Variants in ASH1L observed in about 807,000 individuals in gnomAD.
ASH1L encodes histone-lysine N-methyltransferase ASH1L.
A neutral mutation model predicts 269.0 loss-of-function variants in ASH1L; 23 were observed. That is an observed-to-expected ratio of 0.09 (90% CI 0.06 to 0.12). ASH1L has a LOEUF of 0.12. Ranked by LOEUF, ASH1L falls within the 10% of genes least tolerant of loss-of-function variation. The pLI, the probability that ASH1L is intolerant of heterozygous loss-of-function variation, is 1.00. For synonymous variants in ASH1L, 1,187 were observed against 1,253.5 expected (o/e 0.95, Z 1.12); for missense variants, 2,912 against 3,567.8 (o/e 0.82, Z 4.68).
intron 4 of ASH1L, among the ~76,000 whole-genome samples, chr1:155,459,283 C>T (rs1228203821): frequency 6.6e-6 from 1 of 152,066 alleles, no homozygotes; most frequent in Non-Finnish European, 1.5e-5. Flanking sequence ...GCAACCTCCG[C>T]CTCCCAGGTT....
At chr1:155,529,382 C>A (rs1195322844) in intron 1 of ASH1L, among the ~76,000 whole-genome samples, 2 of 149,526 alleles carry the variant, frequency 1.3e-5, no homozygotes, top group Non-Finnish European at 3.0e-5. Flanking sequence ...TTTTTAATAG[C>A]CATTCTGAAT....
At chr1:155,420,641 A>C (rs898731029) in intron 5 of ASH1L, among the ~76,000 whole-genome samples, 1 of 151,526 alleles carries the variant, frequency 6.6e-6, no homozygotes, top group Non-Finnish European at 1.5e-5. Flanking sequence ...ACTTGAGGTC[A>C]GGAGTTTGAG....
intron 5 of ASH1L, among the ~76,000 whole-genome samples, chr1:155,426,438 T>C (rs1047194256): frequency 2.6e-5 from 4 of 151,990 alleles, no homozygotes; most frequent in Non-Finnish European, 5.9e-5. Flanking sequence ...CCTGACCTCG[T>C]GATCCGACCG....
chr1:155,446,626 C>CTT (rs34042736), intron 4 of ASH1L, among the ~76,000 whole-genome samples: 7 of 116,834 alleles, frequency 6.0e-5, no homozygotes, highest in Non-Finnish European at 9.0e-5. Flanking sequence ...TTTTTTTTTT[C>CTT]TTTTTTTTTT....
At position 155,370,572 on chromosome 1, in the gene ASH1L, A is replaced by G. The variant is rs1273084100; in HGVS notation, c.6618T>C (p.Ser2206=). ...ATCGGGCCTCATTTCCCATGCGGTA[A>G]CTGTCAATCACCATCCCACTATCCA... ...LNLDSGMVID[S]YRMGNEARFI... Residue 2206 remains serine (S), a synonymous_variant, in exon 12 of 28, where the codon AGT becomes AGC. Transcript: ENST00000392403. 6.2e-7 allele frequency: 1 copy of G among 1,614,180 alleles called. No individual in the cohort carries two copies. The highest frequency in any genetic ancestry group is 2.2e-5 in the East Asian group (1 of 44,888).
chr1:155,404,883 C>T (rs1659138550), intron 6 of ASH1L, among the ~76,000 whole-genome samples: 1 of 151,264 alleles, frequency 6.6e-6, no homozygotes, highest in African/African-American at 2.4e-5. Flanking sequence ...CAAAAATCAG[C>T]TGAGTGTGGT....
intron 1 of ASH1L, among the ~76,000 whole-genome samples, chr1:155,524,967 C>T (rs914016865): frequency 1.3e-5 from 2 of 151,942 alleles, no homozygotes; most frequent in African/African-American, 4.8e-5. Flanking sequence ...TCAAATCCTG[C>T]CTGGGCACGG....
Position 155,478,943 on chromosome 1 carries a change from A to G in ASH1L, c.3927T>C (p.His1309=). Residue 1309 remains histidine (H), a synonymous_variant, in exon 3 of 28, where the codon CAT becomes CAC. Coordinates refer to ENST00000392403, the MANE Select transcript of ASH1L (RefSeq NM_018489.3). The surrounding 1 kb of genome is among the most constrained non-coding windows in gnomAD (Gnocchi z 4.6). ...SEIRITHRSH[H]FIPRDLLPTI... ...TTGGCAGAAGATCTCGGGGGATAAA[A>G]TGATGACTTCGATGAGTGATCCGAA... 1 of 1,613,920 alleles carries G rather than the reference A, an allele frequency of 6.2e-7. No individual in the cohort carries two copies. The highest frequency in any genetic ancestry group is 8.5e-7 in the Non-Finnish European group (1 of 1,180,006).
intron 1 of ASH1L, among the ~76,000 whole-genome samples, chr1:155,534,556 T>C (rs1027224664): frequency 4.0e-5 from 6 of 151,800 alleles, no homozygotes; most frequent in African/African-American, 9.7e-5. Context: ...TAGTACAAAA[T>C]ATAGACAAAA....
intron 1 of ASH1L, among the ~76,000 whole-genome samples, chr1:155,546,830 C>T (rs2148900977): frequency 6.6e-6 from 1 of 151,630 alleles, no homozygotes; most frequent in Admixed American, 6.6e-5. Context: ...AATTAAGACA[C>T]TTATATAACA....
chr1:155,348,628 T>A (rs1248650080), intron 19 of ASH1L, among the ~76,000 whole-genome samples: 1 of 152,024 alleles, frequency 6.6e-6, no homozygotes, highest in African/African-American at 2.4e-5. Context: ...ACGCCTGTAA[T>A]CCCAACACTC....
Position 155,478,392 on chromosome 1 carries a change from C to T in ASH1L, c.4478G>A (p.Arg1493His), listed in dbSNP as rs184705228. The T allele has an allele frequency of 5.0e-6, 8 of 1,614,018 alleles. No individual in the cohort carries two copies. The highest frequency in any genetic ancestry group is 1.6e-4 in the Middle Eastern group (1 of 6,062). Residue 1493 changes from arginine to histidine, a missense_variant, in exon 3 of 28, where the codon CGT (arginine) becomes CAT (histidine). Physicochemically the swap from Arg to His is conservative, Grantham distance 29. This residue lies in a region of ASH1L where 789 missense variants were observed against 897.6 expected (regional missense o/e 0.88). Coordinates refer to ENST00000392403, the MANE Select transcript of ASH1L (RefSeq NM_018489.3). The surrounding 1 kb of genome is among the most constrained non-coding windows in gnomAD (Gnocchi z 4.6). ...AGAAACCTGGGGTTGTTCAGAAGAA[C>T]GGTGTTCTCTGTGTTTGTGACGGTG... ...HRHRHKHREHRSSEQPQVSMD... is the reference protein window; with the variant it reads ...HRHRHKHREHHSSEQPQVSMD...
chr1:155,525,673 C>T (rs969950883), intron 1 of ASH1L, among the ~76,000 whole-genome samples: 6 of 152,044 alleles, frequency 3.9e-5, no homozygotes, highest in Non-Finnish European at 5.9e-5. Context: ...TGTTCTCAGA[C>T]CTATATTTAA....
intron 2 of ASH1L, among the ~76,000 whole-genome samples, chr1:155,515,359 T>A (rs1372666358): frequency 6.6e-6 from 1 of 152,174 alleles, no homozygotes; most frequent in African/African-American, 2.4e-5. Context: ...GGAAACAGCT[T>A]CCACAACCAG....
intron 12 of ASH1L, among the ~76,000 whole-genome samples, chr1:155,369,651 T>G (rs886435977): frequency 6.6e-6 from 1 of 152,212 alleles, no homozygotes; most frequent in Non-Finnish European, 1.5e-5. Flanking sequence ...TTTATTTCTC[T>G]TTGTGAGAAA....
At chr1:155,425,763 G>A (rs541257801) in intron 5 of ASH1L, among the ~76,000 whole-genome samples, 4 of 152,070 alleles carry the variant, frequency 2.6e-5, no homozygotes, top group Admixed American at 2.0e-4. Flanking sequence ...ATTTTTAGTA[G>A]AGAAGAGGTT....
At chr1:155,452,382 T>A (rs746775420) in intron 4 of ASH1L, among the ~76,000 whole-genome samples, 213 of 152,102 alleles carry the variant, frequency 1.4e-3, no homozygotes, top group Middle Eastern at 3.4e-3. Context: ...TTAAAAAAAA[T>A]TTTTGTTTTT....
chr1:155,394,530 T>G (rs531310697), intron 7 of ASH1L, among the ~76,000 whole-genome samples: 1 of 152,152 alleles, frequency 6.6e-6, no homozygotes, highest in Non-Finnish European at 1.5e-5. Flanking sequence ...ACTTGAGAGA[T>G]AGCAATGAGA....
chr1:155,468,888 C>T (rs764942320), intron 3 of ASH1L, among the ~76,000 whole-genome samples: 9 of 152,116 alleles, frequency 5.9e-5, no homozygotes, highest in Non-Finnish European at 1.2e-4. Context: ...AATGTAATTA[C>T]ATCTTCAACA....
Sources: gnomAD v4.1 joint callset for allele counts (sites outside exome capture counted in the v4.1 genomes callset) on GRCh38, gnomAD v4.1.1 for gene constraint, gnomAD v4.1.1 regional missense constraint, Gnocchi (gnomAD v3.1) non-coding constraint, MANE v1.5 for transcripts, NCBI Gene and HGNC (gene_info 2026-07-23, HGNC 2026-07-21) for gene names.